The following DOCK2 variants were observed in gnomAD, a reference collection of about 807,000 sequenced individuals.
The protein encoded by DOCK2 is dedicator of cytokinesis 2.
DOCK2 carries 87 observed loss-of-function variants against 248.9 expected under a neutral mutation model. The ratio of observed to expected loss-of-function variants is 0.35; its 90% CI spans 0.29 to 0.42. The LOEUF (loss-of-function observed/expected upper bound fraction) is 0.42. Ranked by LOEUF, DOCK2 falls within the 10% of genes least tolerant of loss-of-function variation. The pLI is 1.00. For synonymous variants in DOCK2, 805 were observed against 821.6 expected, an observed-to-expected ratio of 0.98 and a Z score of 0.35; for missense variants, 1,747 against 2,300.2, an observed-to-expected ratio of 0.76 and a Z score of 4.92.
At chr5:169,813,873 A>G (rs1349382718) in intron 26 of DOCK2, among the ~76,000 whole-genome samples, 1 of 152,202 alleles carries the variant, frequency 6.6e-6, no homozygotes, top group African/African-American at 2.4e-5. Flanking sequence ...TGGATTTGCT[A>G]TGCTTAAACT....
chr5:169,969,743 T>A (rs989915898), intron 27 of DOCK2, among the ~76,000 whole-genome samples: 1 of 151,742 alleles, frequency 6.6e-6, no homozygotes, highest in African/African-American at 2.4e-5. Flanking sequence ...GACTGAGGGG[T>A]TTCCCAGGAA....
chr5:169,760,360 C>A (rs1271290325), intron 24 of DOCK2, among the ~76,000 whole-genome samples: 1 of 152,148 alleles, frequency 6.6e-6, no homozygotes, highest in Non-Finnish European at 1.5e-5. Context: ...AAGAGAGTTG[C>A]AAAGATTACA....
intron 27 of DOCK2, among the ~76,000 whole-genome samples, chr5:169,868,591 T>G (rs1301164835): frequency 6.6e-6 from 1 of 152,102 alleles, no homozygotes; most frequent in African/African-American, 2.4e-5. Flanking sequence ...AGACACCATC[T>G]CTACAAAAAG....
intron 23 of DOCK2, 37 bp from the exon 24 acceptor site, chr5:169,759,668 G>A: frequency 1.2e-6 from 2 of 1,611,720 alleles, no homozygotes; most frequent in East Asian, 2.2e-5. Flanking sequence ...ACTTGTTGAT[G>A]TGAGGATCAC....
rs538109619 is a variant in DOCK2, at chr5:170,045,604, T to G, written c.3877-212T>G. On this transcript the variant is annotated intron_variant, in intron 38 of 51. Coordinates refer to ENST00000520908, the MANE Select transcript of DOCK2 (RefSeq NM_004946.3). The stretch of plus-strand genomic sequence containing the variant: ...AGGGTTTAGCCTCATCTGTGCCTAC[T>G]CAATTGTTTATCAAGAAACTCCGGT... Among the ~76,000 whole-genome samples, 66 of 152,302 alleles carry G rather than the reference T, an allele frequency of 4.3e-4. 1 individual carries two copies. The South Asian group carries it at 0.013, about 31-fold the overall frequency.
chr5:169,848,662 A>G (rs779492569), intron 27 of DOCK2, among the ~76,000 whole-genome samples: 1 of 152,146 alleles, frequency 6.6e-6, no homozygotes, highest in Non-Finnish European at 1.5e-5. Flanking sequence ...TCTAGCCTTT[A>G]TTTTGGGTAG....
intron 14 of DOCK2, among the ~76,000 whole-genome samples, chr5:169,707,382 T>C (rs965628012): frequency 1.5e-4 from 23 of 152,316 alleles, no homozygotes; most frequent in African/African-American, 5.5e-4. Flanking sequence ...TTCTTCAAGA[T>C]TCTCAACTGT....
chr5:169,997,072 G>A (rs1020007560), intron 30 of DOCK2, among the ~76,000 whole-genome samples: 37 of 151,910 alleles, frequency 2.4e-4, no homozygotes, highest in African/African-American at 6.8e-4. Flanking sequence ...GGTGTTTCTC[G>A]AAGAGGGGGA....
chr5:170,036,587 G>T, intron 36 of DOCK2, 32 bp downstream of exon 36: 1 of 1,607,264 alleles, frequency 6.2e-7, no homozygotes. Context: ...ATCCAGACCT[G>T]CTGTGTCACT....
At chr5:169,641,183 A>G (rs539236988) in intron 1 of DOCK2, among the ~76,000 whole-genome samples, 1 of 152,352 alleles carries the variant, frequency 6.6e-6, no homozygotes, top group East Asian at 1.9e-4. Flanking sequence ...GACTTCAGTT[A>G]AATGTGATTA....
chr5:169,870,114 A>C (rs1053637752), intron 27 of DOCK2, among the ~76,000 whole-genome samples: 4 of 152,202 alleles, frequency 2.6e-5, no homozygotes, highest in African/African-American at 9.6e-5. Context: ...AGGGATGCTC[A>C]GTTAACTGCC....
intron 27 of DOCK2, among the ~76,000 whole-genome samples, chr5:169,868,884 C>A (rs1771765470): frequency 6.6e-6 from 1 of 152,136 alleles, no homozygotes; most frequent in Non-Finnish European, 1.5e-5. Flanking sequence ...TGAAGCCCAG[C>A]CCAACATAGA....
intron 27 of DOCK2, among the ~76,000 whole-genome samples, chr5:169,914,309 A>G (rs1774761466): frequency 1.3e-5 from 2 of 152,214 alleles, no homozygotes; most frequent in Admixed American, 1.3e-4. Context: ...CATAACCCAT[A>G]TAGATATTCT....
chr5:169,669,845 C>G (rs1187128931), intron 3 of DOCK2, among the ~76,000 whole-genome samples: 1 of 152,160 alleles, frequency 6.6e-6, no homozygotes, highest in Non-Finnish European at 1.5e-5. Context: ...ACCAGATGTC[C>G]CCAGTATGCA....
At chr5:169,927,681 A>G (rs561831296) in intron 27 of DOCK2, among the ~76,000 whole-genome samples, 1 of 152,376 alleles carries the variant, frequency 6.6e-6, no homozygotes, top group African/African-American at 2.4e-5. Flanking sequence ...CAGTGGCACA[A>G]TCTTGGCTCA....
At chr5:169,721,570 T>C (rs1762206005) in intron 22 of DOCK2, among the ~76,000 whole-genome samples, 1 of 152,214 alleles carries the variant, frequency 6.6e-6, no homozygotes, top group African/African-American at 2.4e-5. Context: ...CAGAATTGAA[T>C]TATTGGTTTG....
At chr5:169,967,882 C>T (rs776997120) in intron 27 of DOCK2, among the ~76,000 whole-genome samples, 10 of 151,912 alleles carry the variant, frequency 6.6e-5, no homozygotes, top group African/African-American at 1.9e-4. Context: ...GTGGGAGGAG[C>T]GAGAGAAAGG....
intron 7 of DOCK2, among the ~76,000 whole-genome samples, chr5:169,682,483 C>T (rs949670394): frequency 5.3e-5 from 8 of 152,228 alleles, no homozygotes; most frequent in Non-Finnish European, 1.0e-4. Flanking sequence ...TTGCAGAGGC[C>T]GGGTAGGTGG....
chr5:169,883,200 T>C (rs1171468516), intron 27 of DOCK2: 1 of 1,551,606 alleles, frequency 6.4e-7, no homozygotes, highest in Non-Finnish European at 8.7e-7. Context: ...CCAAAGGGTG[T>C]ATGGAGTTAC....
Sources: allele counts gnomAD v4.1 joint callset (sites outside exome capture counted in the v4.1 genomes callset), GRCh38; gene constraint gnomAD v4.1.1; transcripts MANE v1.5; gene names NCBI Gene and HGNC (gene_info 2026-07-23, HGNC 2026-07-21).